The following ANO6 variants were observed in gnomAD, a reference collection of about 807,000 sequenced individuals.
ANO6 encodes anoctamin 6, also known as anoctamin-6.
In ANO6, 106 loss-of-function variants were observed where a neutral mutation model predicts 117.5. The ratio of observed to expected loss-of-function variants is 0.90; its 90% confidence interval spans 0.77 to 1.06. ANO6 has a LOEUF of 1.06. Ranked by LOEUF, ANO6 falls within the 50% of genes least tolerant of loss-of-function variation. ANO6 has a pLI of 0.00. For synonymous variants in ANO6, 367 were observed against 385.1 expected, an observed-to-expected ratio of 0.95 and a Z score of 0.55; for missense variants, 955 against 1,121.1, an observed-to-expected ratio of 0.85 and a Z score of 2.12.
chr12:45,358,936 A>G (rs1941482389), intron 8 of ANO6, among the ~76,000 whole-genome samples: 2 of 151,966 alleles, frequency 1.3e-5, no homozygotes, highest in Admixed American at 1.3e-4. Context: ...AGGCTGCGCC[A>G]CCACACCCGG....
chr12:45,287,763 T>C (rs951981623), intron 1 of ANO6, among the ~76,000 whole-genome samples: 2 of 152,152 alleles, frequency 1.3e-5, no homozygotes, highest in African/African-American at 4.8e-5. Context: ...AGGGTAGATA[T>C]GCTAAAACTG....
intron 2 of ANO6, among the ~76,000 whole-genome samples, chr12:45,307,116 G>A (rs541233836): frequency 8.3e-4 from 127 of 152,234 alleles, no homozygotes; most frequent in Non-Finnish European, 1.7e-3. Context: ...GTTTTACTCT[G>A]AGTTGGGAAG....
chr12:45,335,822 C>G (rs947625881), intron 3 of ANO6, among the ~76,000 whole-genome samples: 1 of 151,922 alleles, frequency 6.6e-6, no homozygotes, highest in Non-Finnish European at 1.5e-5. Flanking sequence ...TTATGATTTA[C>G]TGTGTGTAAA....
rs571833781 is a variant in ANO6 at position 45,237,206 on chromosome 12, C to T, written c.70+20815C>T. The stretch of plus-strand genomic sequence containing the variant: ...TTCACTCTGATGGTAGTTTCTTTCA[C>T]TGTGCAGAAGCTCTTTAGTTGAATT... On this transcript the variant is annotated intron_variant, in intron 1 of 19. Coordinates refer to ENST00000320560, the MANE Select transcript of ANO6 (RefSeq NM_001025356.3). 3.3e-5 allele frequency among the ~76,000 whole-genome samples: 5 copies of T among 152,292 alleles called. No homozygotes were observed. The South Asian group carries it at 1.0e-3, about 32-fold the overall frequency.
At chr12:45,277,058 C>G (rs1455936291) in intron 1 of ANO6, among the ~76,000 whole-genome samples, 1 of 151,754 alleles carries the variant, frequency 6.6e-6, no homozygotes, top group Non-Finnish European at 1.5e-5. Context: ...TATAATTTAT[C>G]TATTTTTCAG....
chr12:45,392,350 G>A (rs1478230279), intron 12 of ANO6, among the ~76,000 whole-genome samples: 1 of 152,214 alleles, frequency 6.6e-6, no homozygotes, highest in South Asian at 2.1e-4. Context: ...CGGCCAGGAA[G>A]CTCAAACTGG....
At chr12:45,313,198 G>A (rs1392692080) in intron 2 of ANO6, 1 of 151,964 alleles carries the variant, frequency 6.6e-6, no homozygotes, top group Non-Finnish European at 1.5e-5. Context: ...CTTTTTTGTA[G>A]GTGAAAGCTA....
intron 1 of ANO6, among the ~76,000 whole-genome samples, chr12:45,300,694 T>A (rs1047740947): frequency 2.0e-5 from 3 of 152,216 alleles, no homozygotes; most frequent in South Asian, 4.1e-4. Context: ...AGAATATTTA[T>A]TTAAACTTAC....
chr12:45,233,646 C>T (rs1947606298), intron 1 of ANO6, among the ~76,000 whole-genome samples: 1 of 152,130 alleles, frequency 6.6e-6, no homozygotes, highest in South Asian at 2.1e-4. Context: ...TTTTGGTTAA[C>T]ATTGTAAAAG....
At chr12:45,348,693 A>C (rs1309717563) in intron 6 of ANO6, 62 bp downstream of exon 6, 10 of 1,244,794 alleles carry the variant, frequency 8.0e-6, no homozygotes, top group Non-Finnish European at 1.2e-5. Context: ...TGACAATAGC[A>C]AAGGGCTAAC....
At chr12:45,285,574 A>C (rs1348893821) in intron 1 of ANO6, among the ~76,000 whole-genome samples, 1 of 152,106 alleles carries the variant, frequency 6.6e-6, no homozygotes, top group Non-Finnish European at 1.5e-5. Flanking sequence ...ACTAAAATAC[A>C]AAAAATTAGC....
At chr12:45,264,694 T>C (rs990464602) in intron 1 of ANO6, among the ~76,000 whole-genome samples, 2 of 152,202 alleles carry the variant, frequency 1.3e-5, no homozygotes, top group African/African-American at 4.8e-5. Context: ...ACAAAAAATT[T>C]TTTGTGGTAC....
At chr12:45,409,796 C>T (rs555020966) in intron 16 of ANO6, among the ~76,000 whole-genome samples, 1 of 152,082 alleles carries the variant, frequency 6.6e-6, no homozygotes, top group Non-Finnish European at 1.5e-5. Context: ...CACTCTGTAG[C>T]CCAGGCTGGA....
chr12:45,278,206 C>T (rs912513474), intron 1 of ANO6, among the ~76,000 whole-genome samples: 1 of 152,202 alleles, frequency 6.6e-6, no homozygotes, highest in Non-Finnish European at 1.5e-5. Flanking sequence ...ATCCTCCCCA[C>T]CTTAGCCCCC....
chr12:45,419,989 T>G (rs1943315989), intron 17 of ANO6, among the ~76,000 whole-genome samples: 1 of 151,494 alleles, frequency 6.6e-6, no homozygotes, highest in South Asian at 2.1e-4. Flanking sequence ...TTTAGAGACT[T>G]AGATACTAGA....
chr12:45,431,725 G>T lies in ANO6; in HGVS notation c.*2414G>T. ...GGAGCTGTGTCTGCAGACAATGGTG[G>T]CTGCATCTGTAAGTGGCTTCAGAGG... On this transcript the variant is annotated 3_prime_UTR_variant, in exon 20 of 20. Coordinates refer to ENST00000320560, the MANE Select transcript of ANO6 (RefSeq NM_001025356.3). 1 of 985,476 alleles carries T rather than the reference G, an allele frequency of 1.0e-6. No homozygotes were observed. Among genetic ancestry groups the T allele is most frequent in the Non-Finnish European group, 1.2e-6 (1 of 829,964 alleles). 61.0% of individuals were successfully genotyped at this position (985,476 alleles called of 1,614,324 possible).
In ANO6 at chr12:45,431,232, ACT is replaced by A. The variant is rs1423540554; in HGVS notation, c.*1924_*1925del. 1 of 984,714 alleles carries A rather than the reference ACT, an allele frequency of 1.0e-6. No individual in the cohort carries two copies. 61.0% of individuals were successfully genotyped at this position (984,714 alleles called of 1,614,324 possible). ...AATGAATTTCTTCCCACTGAAGGAA[ACT>A]CTTTCTCATTCGCAGCCAAGACGGG... On this transcript the variant is annotated 3_prime_UTR_variant, in exon 20 of 20. Coordinates refer to ENST00000320560, the MANE Select transcript of ANO6 (RefSeq NM_001025356.3).
intron 2 of ANO6, among the ~76,000 whole-genome samples, chr12:45,310,313 A>G (rs2137329638): frequency 6.6e-6 from 1 of 152,244 alleles, no homozygotes; most frequent in East Asian, 1.9e-4. Flanking sequence ...CAGAAGGCTA[A>G]CAAATGATCA....
At chr12:45,291,115 C>G (rs1441427066) in intron 1 of ANO6, among the ~76,000 whole-genome samples, 1 of 152,068 alleles carries the variant, frequency 6.6e-6, no homozygotes, top group East Asian at 1.9e-4. Flanking sequence ...TCAATCCCAC[C>G]TCACATCACA....
Sources: gnomAD v4.1 joint callset for allele counts (sites outside exome capture counted in the v4.1 genomes callset) on GRCh38, gnomAD v4.1.1 for gene constraint, MANE v1.5 for transcripts, NCBI Gene and HGNC (gene_info 2026-07-23, HGNC 2026-07-21) for gene names.